Variants in PPP2R3A observed in about 807,000 individuals in gnomAD.
PPP2R3A encodes serine/threonine-protein phosphatase 2A regulatory subunit B'' subunit alpha.
In PPP2R3A, 80 loss-of-function variants were observed where a neutral mutation model predicts 106.9. The observed-to-expected ratio is 0.75, with a 90% CI of 0.62 to 0.90. PPP2R3A has a LOEUF of 0.90. PPP2R3A is among the 40% of genes least tolerant of loss of function. The pLI is 0.00. For missense variants in PPP2R3A, 1,386 were observed against 1,350.4 expected, an observed-to-expected ratio of 1.03 and a Z score of -0.41; for synonymous variants, 483 against 468.3, an observed-to-expected ratio of 1.03 and a Z score of -0.41.
At chr3:136,008,537 T>C (rs1279328250) in intron 2 of PPP2R3A, among the ~76,000 whole-genome samples, 1 of 152,210 alleles carries the variant, frequency 6.6e-6, no homozygotes, top group African/African-American at 2.4e-5. Context: ...ATCTCAAATA[T>C]GTCCCCACCT....
At chr3:136,141,696 T>C (rs1024039869) in intron 13 of PPP2R3A, among the ~76,000 whole-genome samples, 2 of 152,170 alleles carry the variant, frequency 1.3e-5, no homozygotes, top group Non-Finnish European at 1.5e-5. Context: ...TTGAAAAACA[T>C]GTACAGTGGC....
At chr3:135,974,508 T>G (rs1937355991) in intron 1 of PPP2R3A, among the ~76,000 whole-genome samples, 1 of 152,238 alleles carries the variant, frequency 6.6e-6, no homozygotes, top group African/African-American at 2.4e-5. Flanking sequence ...AACTCCTCTT[T>G]GTCTTTCTGA....
rs913181251 is a variant in PPP2R3A, at chr3:136,103,269, C to G, written c.3115C>G (p.Leu1039Val). ...TTATTTTTATGTAGGCAAAATAACT[C>G]TAAGAGATCTGAAGAGGTGCAGAAT... ...VKPAVDGKIT[L>V]RDLKRCRMAH... The change falls in exon 12 of 14, where the codon CTA becomes GTA. Residue 1039 changes from leucine (L) to valine (V), a missense_variant. Transcript: ENST00000264977. 6.3e-7 allele frequency: 1 copy of G among 1,597,432 alleles called. No individual in the cohort carries two copies. The highest frequency in any genetic ancestry group is 1.1e-5 in the South Asian group (1 of 88,796).
intron 4 of PPP2R3A, among the ~76,000 whole-genome samples, chr3:136,043,408 G>A (rs185629522): frequency 3.9e-4 from 60 of 152,226 alleles, no homozygotes; most frequent in Non-Finnish European, 7.4e-4. Context: ...GCAGTGAGCC[G>A]AGATCGCGCC....
At chr3:136,024,911 T>A (rs144122001) in intron 2 of PPP2R3A, among the ~76,000 whole-genome samples, 1 of 152,338 alleles carries the variant, frequency 6.6e-6, no homozygotes, top group East Asian at 1.9e-4. Flanking sequence ...CGGGACTGTG[T>A]AATATTTACA....
At position 136,091,045 on chromosome 3, in the gene PPP2R3A, A is replaced by G. The variant is rs146484548; in HGVS notation, c.2927+378A>G. ...AGCAAATTGTGGATGACTAGTATATAAGAACACATCCTCAGTCTGCCAGTT... is the reference window on the plus strand; with the variant it reads ...AGCAAATTGTGGATGACTAGTATATGAGAACACATCCTCAGTCTGCCAGTT... On this transcript the variant is annotated intron_variant, in intron 10 of 13. Coordinates refer to ENST00000264977, the MANE Select transcript of PPP2R3A (RefSeq NM_002718.5). Among the ~76,000 whole-genome samples, 8 of 152,358 alleles carry G rather than the reference A, an allele frequency of 5.3e-5. No homozygotes were observed. In the East Asian group the frequency reaches 1.2e-3, roughly 22 times the overall value.
In PPP2R3A at chr3:136,102,090, A is replaced by G. The variant is rs899672732; in HGVS notation, c.3011A>G (p.Gln1004Arg). The G allele has an allele frequency of 3.1e-6, 5 of 1,614,016 alleles. No homozygotes were observed. Among genetic ancestry groups the G allele is most frequent in the Admixed American group, 1.7e-5 (1 of 60,004 alleles). ...GAGCTGGAGTACTTCTATGAGGAGC[A>G]GTGTGAACGGATGGAAGCCATGGGA... ...MYELEYFYEE[Q>R]CERMEAMGIE... Residue 1004 changes from glutamine to arginine, a missense_variant, in exon 11 of 14, where the codon CAG (glutamine) becomes CGG (arginine). Gln to Arg is a conservative substitution (Grantham distance 43). Transcript: ENST00000264977.
At chr3:136,011,078 C>T (rs535119551) in intron 2 of PPP2R3A, among the ~76,000 whole-genome samples, 2 of 152,172 alleles carry the variant, frequency 1.3e-5, no homozygotes, top group East Asian at 3.9e-4. Flanking sequence ...TTCCTTCTTC[C>T]TACAACACCC....
At chr3:136,084,049 G>T (rs1936858662) in intron 8 of PPP2R3A, among the ~76,000 whole-genome samples, 1 of 152,224 alleles carries the variant, frequency 6.6e-6, no homozygotes, top group Non-Finnish European at 1.5e-5. Context: ...GCCCACTGCA[G>T]AAATTTGCAT....
chr3:136,014,893 G>A (rs1427397206), intron 2 of PPP2R3A, among the ~76,000 whole-genome samples: 1 of 152,094 alleles, frequency 6.6e-6, no homozygotes, highest in Non-Finnish European at 1.5e-5. Context: ...GGGCATCCTT[G>A]TCTTGTTCCA....
At chr3:136,144,782 A>C (rs922879916) in intron 13 of PPP2R3A, among the ~76,000 whole-genome samples, 1 of 152,164 alleles carries the variant, frequency 6.6e-6, no homozygotes, top group African/African-American at 2.4e-5. Flanking sequence ...TCTCACTCCC[A>C]CCAACCACCC....
chr3:136,046,961 A>G (rs1200268104), intron 4 of PPP2R3A, among the ~76,000 whole-genome samples: 1 of 152,236 alleles, frequency 6.6e-6, no homozygotes, highest in Non-Finnish European at 1.5e-5. Context: ...AACTAGAAGC[A>G]TTAATAACAA....
intron 11 of PPP2R3A, 114 bp downstream of exon 11, chr3:136,102,296 T>TGA: frequency 8.7e-7 from 1 of 1,143,678 alleles, no homozygotes; most frequent in South Asian, 1.6e-5. Flanking sequence ...GAAGACTTCC[T>TGA]AGGACAGAAG....
intron 2 of PPP2R3A, among the ~76,000 whole-genome samples, chr3:136,010,417 ATTTTTTTTT>A (rs56962010): frequency 1.5e-3 from 74 of 50,998 alleles, no homozygotes; most frequent in Non-Finnish European, 2.1e-3. Context: ...CGCTCGGCTA[ATTTTTTTTT>A]TTTTTTTTTT....
Position 136,070,559 on chromosome 3 carries a change from TGA to T in PPP2R3A, c.2544+9_2544+10del, listed in dbSNP as rs1371876573. The T allele has an allele frequency of 3.8e-6, 6 of 1,598,386 alleles. No homozygotes were observed. The highest frequency in any genetic ancestry group is 2.7e-5 in the African/African-American group (2 of 74,056). Reference sequence around the variant, plus strand: ...CTCCCGCTACATCACCACGGTAGGCTGAGTCATCTTTTTTCTTAATATAACTC... The same window carrying T: ...CTCCCGCTACATCACCACGGTAGGCTGTCATCTTTTTTCTTAATATAACTC... On this transcript the variant is annotated splice_region_variant and intron_variant, in intron 6 of 13. Transcript: ENST00000264977.
rs971345143 is a variant in PPP2R3A, at chr3:136,126,780, C to T, written c.3330-18263C>T. On this transcript the variant is annotated intron_variant, in intron 13 of 13. Transcript: ENST00000264977. ...CATATAAGCGGCTGCCCCTCTAGAACGAAGCTTCCAGAGGAAGGATCAGGC... is the reference window on the plus strand; with the variant it reads ...CATATAAGCGGCTGCCCCTCTAGAATGAAGCTTCCAGAGGAAGGATCAGGC... 6.3e-4 allele frequency among the ~76,000 whole-genome samples: 96 copies of T among 152,214 alleles called. No individual in the cohort carries two copies. In the Middle Eastern group the frequency reaches 0.01, roughly 16 times the overall value.
chr3:135,987,707 C>G (rs996445828), intron 1 of PPP2R3A, among the ~76,000 whole-genome samples: 3 of 152,022 alleles, frequency 2.0e-5, no homozygotes, highest in African/African-American at 7.2e-5. Flanking sequence ...TGTCAGTCTC[C>G]TTTGCTGGTT....
At position 136,040,939 on chromosome 3, in the gene PPP2R3A, G is replaced by A. The variant is rs1353819085; in HGVS notation, c.2343G>A (p.Gln781=). 3 of 1,613,532 alleles carry A rather than the reference G, an allele frequency of 1.9e-6. No homozygotes were observed. The highest frequency in any genetic ancestry group is 2.5e-6 in the Non-Finnish European group (3 of 1,179,740). ...AGAAGACAGGATTTGTGACAGCACAGTCATTCATTGCCATGTGGAGAAAGT... is the reference window on the plus strand; with the variant it reads ...AGAAGACAGGATTTGTGACAGCACAATCATTCATTGCCATGTGGAGAAAGT... The part of the protein sequence containing the change: ...GGEKTGFVTA[Q]SFIAMWRKLL... The change falls in exon 4 of 14, where the codon CAG becomes CAA. Residue 781 remains glutamine, a synonymous_variant. Transcript: ENST00000264977.
intron 1 of PPP2R3A, among the ~76,000 whole-genome samples, chr3:135,973,824 C>T (rs1281369500): frequency 1.3e-5 from 2 of 152,130 alleles, no homozygotes; most frequent in African/African-American, 2.4e-5. Context: ...TTCTAGATAC[C>T]GGAGATATAG....
Sources: gnomAD v4.1 joint callset for allele counts (sites outside exome capture counted in the v4.1 genomes callset) on GRCh38, gnomAD v4.1.1 for gene constraint, MANE v1.5 for transcripts, NCBI Gene and HGNC (gene_info 2026-07-23, HGNC 2026-07-21) for gene names.